IFI16: variants seen among roughly 807,000 people sequenced by gnomAD.
IFI16 encodes the protein interferon gamma inducible protein 16.
A neutral mutation model predicts 68.4 loss-of-function variants in IFI16; 49 were observed. That is an observed-to-expected ratio of 0.72 (90% CI 0.57 to 0.91). The LOEUF (loss-of-function observed/expected upper bound fraction) is 0.91, where lower values mean the gene tolerates loss of function less well. Ranked by LOEUF, IFI16 falls within the 40% of genes least tolerant of loss-of-function variation. IFI16 has a pLI of 0.00. For synonymous variants in IFI16, 307 were observed against 315.0 expected (o/e 0.97, Z 0.27); for missense variants, 878 against 942.9 (o/e 0.93, Z 0.90).
chr1:159,054,964 C>T lies in IFI16; in HGVS notation c.*63C>T. On this transcript the variant is annotated 3_prime_UTR_variant, in exon 12 of 12. Coordinates refer to ENST00000295809, the MANE Select transcript of IFI16 (RefSeq NM_001376587.1). The stretch of plus-strand genomic sequence containing the variant: ...AGGTCTAAGTGCCTAAAAAAATGTA[C>T]ATATACCTGGTTGAAATACAACACT... 1.2e-6 allele frequency: 1 copy of T among 857,352 alleles called. No homozygotes were observed. The highest frequency in any genetic ancestry group is 1.9e-6 in the Non-Finnish European group (1 of 518,448). 53.1% of individuals were successfully genotyped at this position (857,352 alleles called of 1,614,324 possible). A position where few individuals can be genotyped will look rare whatever the true frequency, so the allele number is the denominator to read the frequency against.
In IFI16 at chr1:159,041,956, G is replaced by A. The variant is rs896540927; in HGVS notation, c.1330-3341G>A. Among the ~76,000 whole-genome samples the A allele has an allele frequency of 2.6e-5, 4 of 152,292 alleles. No individual in the cohort carries two copies. In the South Asian group the frequency reaches 6.2e-4, roughly 24 times the overall value. ...ATTTCTCCTACATACTGGCTTAAAAGGGACATGTGATGTTTTCTTAGCTCC... is the reference window on the plus strand; with the variant it reads ...ATTTCTCCTACATACTGGCTTAAAAAGGACATGTGATGTTTTCTTAGCTCC... On this transcript the variant is annotated intron_variant, in intron 7 of 11. Transcript: ENST00000295809.
rs1652822476 is a variant in IFI16, at chr1:159,014,856, A to T, written c.176A>T (p.Asp59Val). The T allele has an allele frequency of 4.3e-6, 7 of 1,614,080 alleles. No homozygotes were observed. Among genetic ancestry groups the T allele is most frequent in the Non-Finnish European group, 5.1e-6 (6 of 1,179,900 alleles). The change falls in exon 2 of 12, where the codon GAT becomes GTT. Residue 59 changes from aspartate to valine, a missense_variant. Transcript: ENST00000295809. Reference sequence around the variant, plus strand: ...TTGATGGAAGAAAAGTTCCGAGGTGATGCTGGTTTGGGCAAACTAATAAAA... The same window carrying T: ...TTGATGGAAGAAAAGTTCCGAGGTGTTGCTGGTTTGGGCAAACTAATAAAA... Reference protein sequence around the residue: ...ADLMEEKFRGDAGLGKLIKIF... With the variant: ...ADLMEEKFRGVAGLGKLIKIF...
At chr1:159,006,501 A>C (rs1257310394), upstream of IFI16, among the ~76,000 whole-genome samples, 1 of 152,170 alleles carries the variant, frequency 6.6e-6, no homozygotes, top group Non-Finnish European at 1.5e-5. Context: ...CTACCTTATC[A>C]GTTAATTGGG....
rs1308607453 is a variant in IFI16, at chr1:159,018,669, T to C, written c.972+18T>C. On this transcript the variant is annotated intron_variant, in intron 5 of 11. Transcript: ENST00000295809. Reference sequence around the variant, plus strand: ...TACATAAGGTAAGTCCTCAAAATTGTTTCGTTTCATTTTTCCACCAACACC... The same window carrying C: ...TACATAAGGTAAGTCCTCAAAATTGCTTCGTTTCATTTTTCCACCAACACC... 4 of 1,539,708 alleles carry C rather than the reference T, an allele frequency of 2.6e-6. No individual in the cohort carries two copies. The highest frequency in any genetic ancestry group is 3.5e-6 in the Non-Finnish European group (4 of 1,134,640).
chr1:159,032,750 A>C, intron 7 of IFI16, 59 bp downstream of exon 7: 1 of 1,374,218 alleles, frequency 7.3e-7, no homozygotes, highest in Non-Finnish European at 9.8e-7. Context: ...AGGGATCATT[A>C]GACTGTTGAA....
rs370305598 is a variant in IFI16, at chr1:159,020,298, T to C, written c.973-43T>C. The C allele has an allele frequency of 3.1e-5, 45 of 1,447,950 alleles. No individual in the cohort carries two copies. In the South Asian group the frequency reaches 4.4e-4, roughly 14 times the overall value. The allele number at this position is 1,447,950 out of a possible 1,614,324, so 89.7% of individuals were successfully genotyped here. A position where few individuals can be genotyped will look rare whatever the true frequency, so the allele number is the denominator to read the frequency against. ...GACTTCAGCCTATATGTGGTTGTTA[T>C]TAATTACATTCTCAGGAACAGAATA... On this transcript the variant is annotated intron_variant, in intron 5 of 11. Transcript: ENST00000295809.
chr1:159,048,765 A>G lies in IFI16; in HGVS notation c.1498-667A>G, dbSNP rs1401855676. Among the ~76,000 whole-genome samples the G allele has an allele frequency of 1.3e-5, 2 of 151,638 alleles. 1 individual carries two copies. Among genetic ancestry groups the G allele is most frequent in the African/African-American group, 4.8e-5 (2 of 41,362 alleles). ...CCATTAGTTTAATTAAAGGTAGTCA[A>G]GGTATGTGATTTTAGAGATATTCTC... On this transcript the variant is annotated intron_variant, in intron 8 of 11. Transcript: ENST00000295809.
intron 5 of IFI16, 86 bp from the exon 6 acceptor site, chr1:159,020,251 CTTGT>C: frequency 1.1e-6 from 1 of 897,872 alleles, no homozygotes; most frequent in East Asian, 2.5e-5. Context: ...TGTTGTGCAT[CTTGT>C]TTAACTCTCT....
At chr1:159,025,883 A>T (rs142122127) in intron 6 of IFI16, among the ~76,000 whole-genome samples, 1,862 of 152,196 alleles carry the variant, frequency 0.012, 20 homozygotes, top group Non-Finnish European at 0.018. Flanking sequence ...TCATTCTTCT[A>T]CTTGTAGCTT....
intron 7 of IFI16, among the ~76,000 whole-genome samples, chr1:159,038,164 G>A (rs1034945656): frequency 6.6e-6 from 1 of 152,096 alleles, no homozygotes; most frequent in Non-Finnish European, 1.5e-5. Flanking sequence ...GTATGGGACA[G>A]TATATATTAA....
chr1:159,035,757 T>C (rs1571871773), intron 7 of IFI16, among the ~76,000 whole-genome samples: 1 of 196 alleles, frequency 5.1e-3, no homozygotes, highest in East Asian at 0.17. Context: ...TATCATTGAT[T>C]TTTTTTTTTC....
At chr1:159,035,701 G>C (rs1654283677) in intron 7 of IFI16, among the ~76,000 whole-genome samples, 1 of 151,906 alleles carries the variant, frequency 6.6e-6, no homozygotes. Context: ...TTTCTCTATG[G>C]TATACGCTCT....
At chr1:159,018,190 T>A (rs745971583) in intron 4 of IFI16, 39 bp from the exon 5 acceptor site, 1 of 1,555,422 alleles carries the variant, frequency 6.4e-7, no homozygotes, top group East Asian at 2.2e-5. Context: ...ATTTCTCAAT[T>A]AGACATTTTT....
intron 6 of IFI16, among the ~76,000 whole-genome samples, chr1:159,024,934 C>G (rs562604196): frequency 6.6e-6 from 1 of 152,034 alleles, no homozygotes; most frequent in African/African-American, 2.4e-5. Flanking sequence ...TCTTTCTCAG[C>G]TGTGCGGACG....
At chr1:159,007,521 G>A (rs997264677), upstream of IFI16, among the ~76,000 whole-genome samples, 2 of 152,138 alleles carry the variant, frequency 1.3e-5, no homozygotes, top group African/African-American at 2.4e-5. Context: ...CTAACTAGGC[G>A]CCTAGTTTTT....
chr1:159,054,777 A>G (rs761107156), intron 11 of IFI16, 44 bp from the exon 12 acceptor site: 6 of 993,328 alleles, frequency 6.0e-6, no homozygotes, highest in Admixed American at 1.8e-5. Flanking sequence ...ATGTAGGATC[A>G]TCAGCATCTC....
upstream of IFI16, among the ~76,000 whole-genome samples, chr1:159,004,344 A>G (rs1652173468): frequency 6.6e-6 from 1 of 152,060 alleles, no homozygotes; most frequent in South Asian, 2.1e-4. Context: ...TCTAAATTTC[A>G]GTTAATTTTG....
Position 159,053,546 on chromosome 1 carries a change from G to T in IFI16, c.2099G>T (p.Gly700Val). ...TTTCTTTTGCAGAAAAATGTAAGGG[G>T]TGAATTCACTTATTATGAAATACAA... is the stretch of plus-strand genomic sequence containing the variant. ...VFEVHKKNVR[G>V]EFTYYEIQDN... Residue 700 changes from glycine to valine, a missense_variant, in exon 11 of 12, where the codon GGT (glycine) becomes GTT (valine). This residue lies in a region of IFI16 where 311 missense variants were observed against 305.1 expected (regional missense o/e 1.02). Transcript: ENST00000295809. The T allele has an allele frequency of 6.2e-7, 1 of 1,603,008 alleles. No individual in the cohort carries two copies. The highest frequency in any genetic ancestry group is 8.5e-7 in the Non-Finnish European group (1 of 1,172,204).
chr1:159,015,817 TTA>T, intron 2 of IFI16, 53 bp from the exon 3 acceptor site: 2 of 1,302,502 alleles, frequency 1.5e-6, no homozygotes, highest in Non-Finnish European at 2.2e-6. Context: ...CGGAGATCGT[TTA>T]TATGTCTTCC....
Sources: gnomAD v4.1 joint callset for allele counts (sites outside exome capture counted in the v4.1 genomes callset) on GRCh38, gnomAD v4.1.1 for gene constraint, gnomAD v4.1.1 regional missense constraint, MANE v1.5 for transcripts, NCBI Gene and HGNC (gene_info 2026-07-23, HGNC 2026-07-21) for gene names.